The following PRR12 variants were observed in gnomAD, a reference collection of about 807,000 sequenced individuals.
PRR12 encodes proline-rich protein 12.
Under a neutral mutation model 138.0 loss-of-function variants are expected in PRR12, and 12 were observed. The observed-to-expected ratio is 0.09, with a 90% CI of 0.06 to 0.14. The LOEUF (loss-of-function observed/expected upper bound fraction) is 0.14. Among genes scored for constraint, PRR12 ranks in the 10% least tolerant of loss-of-function variants. The probability of loss-of-function intolerance (pLI) is 1.00; values close to 1 mark genes in which losing one functional copy is unlikely to be tolerated. For missense variants in PRR12, 2,692 were observed against 2,861.3 expected (o/e 0.94, Z 1.35); for synonymous variants, 1,567 against 1,291.7 (o/e 1.21, Z -4.57).
Position 49,615,730 on chromosome 19 carries a change from T to C in PRR12, c.5025-17T>C. On this transcript the variant is annotated splice_polypyrimidine_tract_variant and intron_variant, in intron 8 of 13. Transcript: ENST00000418929. ...TTGGGGGCTGCTGACTACAGTCCCTTCTCTGTTCCCTTCTAGACGCTCTGG... is the reference window on the plus strand; with the variant it reads ...TTGGGGGCTGCTGACTACAGTCCCTCCTCTGTTCCCTTCTAGACGCTCTGG... 4 of 1,606,266 alleles carry C rather than the reference T, an allele frequency of 2.5e-6. No individual in the cohort carries two copies. The highest frequency in any genetic ancestry group is 3.4e-6 in the Non-Finnish European group (4 of 1,175,112).
rs1271874281 is a variant in PRR12 at position 49,614,271 on chromosome 19, C to G, written c.4774-262C>G. Among the ~76,000 whole-genome samples, 1 of 152,176 alleles carries G rather than the reference C, an allele frequency of 6.6e-6. No individual in the cohort carries two copies. The highest frequency in any genetic ancestry group is 1.5e-5 in the Non-Finnish European group (1 of 68,036). On this transcript the variant is annotated intron_variant, in intron 6 of 13. Transcript: ENST00000418929. This position sits in a 1 kb window ranked among gnomAD's most constrained non-coding sequence, Gnocchi z 5.0. ...ACACAGGAAGTTTTGGGCTTTCACCCCGTAAAGCAATAGTGACTCAAACTC... is the reference window on the plus strand; with the variant it reads ...ACACAGGAAGTTTTGGGCTTTCACCGCGTAAAGCAATAGTGACTCAAACTC...
In PRR12 at chr19:49,616,202, G is replaced by C; in HGVS notation, c.5480G>C (p.Gly1827Ala). The stretch of plus-strand genomic sequence containing the variant: ...TCCTCGGACTCGGAGTCCTCCCCTG[G>C]AGCCCCCAGCGAGGACGGTGAGGCC... ...GSSSDSESSP[G>A]APSEDERAVP... The change falls in exon 9 of 14, where the codon GGA becomes GCA. Residue 1827 changes from glycine (G) to alanine (A), a missense_variant. Physicochemically the swap from Gly to Ala is moderately conservative, Grantham distance 60. Transcript: ENST00000418929. This position sits in a 1 kb window ranked among gnomAD's most constrained non-coding sequence, Gnocchi z 4.2. The C allele has an allele frequency of 6.5e-7, 1 of 1,541,512 alleles. No homozygotes were observed. Among genetic ancestry groups the C allele is most frequent in the Non-Finnish European group, 8.8e-7 (1 of 1,142,500 alleles).
Position 49,614,730 on chromosome 19 carries a change from T to G in PRR12, c.4890+81T>G. On this transcript the variant is annotated intron_variant, in intron 7 of 13. Coordinates refer to ENST00000418929, the MANE Select transcript of PRR12 (RefSeq NM_020719.3). The surrounding 1 kb of genome is among the most constrained non-coding windows in gnomAD (Gnocchi z 5.0). ...GCTGGGGTTCCCCTTAGTGTGGCTG[T>G]GACTCACTCCACAGTGTATCTGGAA... 2 of 1,475,208 alleles carry G rather than the reference T, an allele frequency of 1.4e-6. No homozygotes were observed. Among genetic ancestry groups the G allele is most frequent in the Non-Finnish European group, 9.2e-7 (1 of 1,081,982 alleles). The allele number at this position is 1,475,208 out of a possible 1,614,324, so 91.4% of individuals were successfully genotyped here. A position where few individuals can be genotyped will look rare whatever the true frequency, so the allele number is the denominator to read the frequency against.
At chr19:49,617,982 C>A (rs1008172163) in intron 9 of PRR12, among the ~76,000 whole-genome samples, 1 of 152,236 alleles carries the variant, frequency 6.6e-6, no homozygotes, top group South Asian at 2.1e-4. Flanking sequence ...CCTATAATCA[C>A]AGCGACTCGG....
In PRR12 at chr19:49,599,808, C is replaced by T. The variant is rs775514333; in HGVS notation, c.4215C>T (p.Leu1405=). The part of the protein sequence containing the change: ...QESISSAISA[L]DDPPLAGPKD... ...GCATCTCCTCCGCCATCTCTGCCCT[C>T]GATGACCCACCCCTTGCTGGGCCAA... The change falls in exon 5 of 14, where the codon CTC becomes CTT. Residue 1405 remains leucine, a synonymous_variant. Coordinates refer to ENST00000418929, the MANE Select transcript of PRR12 (RefSeq NM_020719.3). This position sits in a 1 kb window ranked among gnomAD's most constrained non-coding sequence, Gnocchi z 5.0. 5.8e-5 allele frequency: 93 copies of T among 1,613,484 alleles called. 1 individual carries two copies. The South Asian group carries it at 6.1e-4, about 11-fold the overall frequency.
At chr19:49,604,722 G>A (rs992869401) in intron 6 of PRR12, among the ~76,000 whole-genome samples, 7 of 152,010 alleles carry the variant, frequency 4.6e-5, no homozygotes, top group Admixed American at 2.0e-4. Flanking sequence ...TTAAATGACC[G>A]TCACCACCAT....
chr19:49,600,078 C>T (rs1599789972), intron 5 of PRR12, 140 bp downstream of exon 5: 2 of 1,000,342 alleles, frequency 2.0e-6, no homozygotes, highest in African/African-American at 1.6e-5. Flanking sequence ...AAGGGACTTT[C>T]CTGATTACAC....
Position 49,594,379 on chromosome 19 carries a change from G to T in PRR12, c.200-75G>T. On this transcript the variant is annotated intron_variant, in intron 2 of 13. Transcript: ENST00000418929. The surrounding 1 kb of genome is among the most constrained non-coding windows in gnomAD (Gnocchi z 5.6). ...CCTTTTCCTGATCCAACTTGCTTTT[G>T]GCCTCTTCCCTTTCTCTCTTGACTG... 4 of 1,398,474 alleles carry T rather than the reference G, an allele frequency of 2.9e-6. No individual in the cohort carries two copies. Among genetic ancestry groups the T allele is most frequent in the Non-Finnish European group, 2.9e-6 (3 of 1,037,498 alleles). 86.6% of individuals were successfully genotyped at this position (1,398,474 alleles called of 1,614,324 possible).
At chr19:49,620,233 T>C (rs2080914891) in intron 9 of PRR12, 119 bp from the exon 10 acceptor site, 2 of 1,388,952 alleles carry the variant, frequency 1.4e-6, no homozygotes, top group Non-Finnish European at 2.0e-6. Flanking sequence ...CCTAGCGGAC[T>C]TGGACCTCCC....
intron 6 of PRR12, among the ~76,000 whole-genome samples, chr19:49,603,853 C>T (rs548040572): frequency 1.3e-5 from 2 of 151,488 alleles, no homozygotes; most frequent in Non-Finnish European, 2.9e-5. Context: ...TTTTTTGAGA[C>T]GGAGTCGCCC....
intron 11 of PRR12, 21 bp from the exon 12 acceptor site, chr19:49,624,823 T>C: frequency 1.2e-6 from 2 of 1,608,622 alleles, no homozygotes; most frequent in Non-Finnish European, 1.7e-6. Context: ...AGCATCCAGC[T>C]GACCCATTGG....
intron 11 of PRR12, among the ~76,000 whole-genome samples, chr19:49,622,912 T>TAA (rs2080931665): frequency 1.4e-5 from 1 of 72,416 alleles, no homozygotes; most frequent in Non-Finnish European, 2.5e-5. Context: ...CAAAAACATA[T>TAA]ATATATATAT....
In PRR12 at chr19:49,597,272, G is replaced by C; in HGVS notation, c.2937G>C (p.Gly979=). The change falls in exon 4 of 14, where the codon GGG becomes GGC. Residue 979 remains glycine (G), a synonymous_variant. Coordinates refer to ENST00000418929, the MANE Select transcript of PRR12 (RefSeq NM_020719.3). The surrounding 1 kb of genome is among the most constrained non-coding windows in gnomAD (Gnocchi z 6.3). ...AGGGGGACCCCAAGGCTGGCGCTGGGCCACCCCCCGGCCCCCCTGCTTATG... is the reference window on the plus strand; with the variant it reads ...AGGGGGACCCCAAGGCTGGCGCTGGCCCACCCCCCGGCCCCCCTGCTTATG... ...EDEGDPKAGA[G]PPPGPPAYDP... The C allele has an allele frequency of 6.4e-7, 1 of 1,567,738 alleles. No homozygotes were observed. The highest frequency in any genetic ancestry group is 8.6e-7 in the Non-Finnish European group (1 of 1,157,930).
At position 49,607,062 on chromosome 19, in the gene PRR12, C is replaced by T. The variant is rs187287373; in HGVS notation, c.4773+5144C>T. On this transcript the variant is annotated intron_variant, in intron 6 of 13. Transcript: ENST00000418929. ...CTGTAATCTCAGCACTTTGGGAGGA[C>T]GAGGCAGGATTGTTTGAGCCCAGGA... 2.0e-5 allele frequency among the ~76,000 whole-genome samples: 3 copies of T among 151,060 alleles called. No homozygotes were observed. The South Asian group carries it at 6.3e-4, about 32-fold the overall frequency.
chr19:49,595,219 C>T lies in PRR12; in HGVS notation c.884C>T (p.Pro295Leu). Residue 295 changes from proline (P) to leucine (L), a missense_variant, in exon 4 of 14, where the codon CCA becomes CTA. Physicochemically the swap from Pro to Leu is moderately conservative, Grantham distance 98. Transcript: ENST00000418929. The part of the protein sequence containing the change: ...QDTVIKHYQR[P>L]ASAQPPPPPP... ...ACGGTCATCAAGCACTACCAGCGGC[C>T]AGCCAGTGCCCAGCCCCCACCACCC... 6.4e-7 allele frequency: 1 copy of T among 1,567,126 alleles called. No homozygotes were observed. Among genetic ancestry groups the T allele is most frequent in the Non-Finnish European group, 8.6e-7 (1 of 1,159,116 alleles).
At chr19:49,598,840 T>C (rs1032362808) in intron 4 of PRR12, among the ~76,000 whole-genome samples, 4 of 152,114 alleles carry the variant, frequency 2.6e-5, no homozygotes, top group Admixed American at 2.6e-4. Context: ...AATTCTGGGT[T>C]TAGGGAGAGA....
In PRR12 at chr19:49,595,396, C is replaced by T. The variant is rs2080759528; in HGVS notation, c.1061C>T (p.Ala354Val). ...GEPSKAGPSG[A>V]TAGASGRATG... ...CCTAGCAAGGCTGGTCCCAGCGGAG[C>T]CACGGCTGGGGCATCTGGCCGGGCC... Residue 354 changes from alanine (A) to valine (V), a missense_variant, in exon 4 of 14, where the codon GCC becomes GTC. Ala to Val is a moderately conservative substitution (Grantham distance 64, BLOSUM62 0). Coordinates refer to ENST00000418929, the MANE Select transcript of PRR12 (RefSeq NM_020719.3). 1.3e-6 allele frequency: 2 copies of T among 1,542,018 alleles called. No homozygotes were observed. Among genetic ancestry groups the T allele is most frequent in the South Asian group, 2.4e-5 (2 of 83,162 alleles).
In PRR12 at chr19:49,624,834, C is replaced by T. The variant is rs2080946318; in HGVS notation, c.5722-10C>T. ...GGGCAGCATCCAGCTGACCCATTGG[C>T]TTCCCGCAGGATGCTCTGCACACGT... On this transcript the variant is annotated splice_polypyrimidine_tract_variant and intron_variant, in intron 11 of 13. Transcript: ENST00000418929. 1 of 1,609,834 alleles carries T rather than the reference C, an allele frequency of 6.2e-7. No individual in the cohort carries two copies. The highest frequency in any genetic ancestry group is 8.5e-7 in the Non-Finnish European group (1 of 1,178,488).
At position 49,595,471 on chromosome 19, in the gene PRR12, G is replaced by C; in HGVS notation, c.1136G>C (p.Gly379Ala). 6.4e-7 allele frequency: 1 copy of C among 1,550,794 alleles called. No homozygotes were observed. The highest frequency in any genetic ancestry group is 8.7e-7 in the Non-Finnish European group (1 of 1,148,086). The change falls in exon 4 of 14, where the codon GGT becomes GCT. Residue 379 changes from glycine to alanine, a missense_variant. By Grantham distance (60) the Gly-to-Ala change is moderately conservative (BLOSUM62 0). This residue lies in a region of PRR12 where 523 missense variants were observed against 496.4 expected (regional missense o/e 1.05). Coordinates refer to ENST00000418929, the MANE Select transcript of PRR12 (RefSeq NM_020719.3). ...GGTGGGGCTGGGGGTGGTGGTGGAGGTTACCGCCCCATCATTCAGTCGCCT... is the reference window on the plus strand; with the variant it reads ...GGTGGGGCTGGGGGTGGTGGTGGAGCTTACCGCCCCATCATTCAGTCGCCT... ...GGGGAGGGGG[G>A]YRPIIQSPGY...
Sources: allele counts gnomAD v4.1 joint callset (sites outside exome capture counted in the v4.1 genomes callset), GRCh38; gene constraint gnomAD v4.1.1; regional missense constraint gnomAD v4.1.1; non-coding constraint Gnocchi (gnomAD v3.1); transcripts MANE v1.5; gene names NCBI Gene and HGNC (gene_info 2026-07-23, HGNC 2026-07-21).